CATSPERT: variants seen among roughly 807,000 people sequenced by gnomAD.
CATSPERT encodes cation channel sperm-associated targeting subunit tau.
chr2:201,586,236 T>C, the CATSPERT span, among the ~76,000 whole-genome samples: 1 of 152,168 alleles, frequency 6.6e-6, no homozygotes, highest in Non-Finnish European at 1.5e-5. Flanking sequence ...AGTAGACTAT[T>C]AGTAGTCTAC....
At chr2:201,506,485 T>C in the CATSPERT span, among the ~76,000 whole-genome samples, 1 of 152,170 alleles carries the variant, frequency 6.6e-6, no homozygotes, top group Non-Finnish European at 1.5e-5. Context: ...ATAAACAAAT[T>C]ATAAGAGACA....
the CATSPERT span, chr2:201,582,284 T>G: frequency 7.2e-7 from 1 of 1,392,790 alleles, no homozygotes. Flanking sequence ...AACACATACA[T>G]CCAATATACT....
the CATSPERT span, chr2:201,547,604 T>C: frequency 2.0e-6 from 3 of 1,484,898 alleles, no homozygotes; most frequent in East Asian, 4.6e-5. Flanking sequence ...TTTTCATCTT[T>C]TCCAGCCTAA....
chr2:201,563,250 T>C, the CATSPERT span, among the ~76,000 whole-genome samples: 3 of 129,846 alleles, frequency 2.3e-5, no homozygotes, highest in Non-Finnish European at 4.9e-5. Context: ...GCTCCTCACT[T>C]CCCAGTAGGG....
chr2:201,542,575 A>T, the CATSPERT span, among the ~76,000 whole-genome samples: 7 of 152,136 alleles, frequency 4.6e-5, no homozygotes, highest in Non-Finnish European at 8.8e-5. Flanking sequence ...GTGATATCTC[A>T]TTATGATTTT....
At chr2:201,499,170 A>G in the CATSPERT span, among the ~76,000 whole-genome samples, 1 of 152,202 alleles carries the variant, frequency 6.6e-6, no homozygotes, top group Non-Finnish European at 1.5e-5. Context: ...AAAAATTGAT[A>G]CATGTAAGTG....
At chr2:201,513,642 C>T in the CATSPERT span, among the ~76,000 whole-genome samples, 9 of 152,166 alleles carry the variant, frequency 5.9e-5, no homozygotes, top group Non-Finnish European at 7.3e-5. Context: ...ATGTTCATTG[C>T]AGCACCATTC....
chr2:201,584,560 G>C, the CATSPERT span, among the ~76,000 whole-genome samples: 2 of 152,040 alleles, frequency 1.3e-5, no homozygotes, highest in African/African-American at 2.4e-5. Flanking sequence ...CGAGGTGGGT[G>C]AATCACAAGG....
the CATSPERT span, among the ~76,000 whole-genome samples, chr2:201,613,362 G>T: frequency 1.3e-5 from 2 of 152,170 alleles, no homozygotes; most frequent in Admixed American, 6.5e-5. Context: ...GCTTCCAGAA[G>T]AAGGATCAGA....
chr2:201,534,414 T>C, the CATSPERT span: 1 of 985,250 alleles, frequency 1.0e-6, no homozygotes, highest in African/African-American at 1.7e-5. Context: ...GAAAGTTGAA[T>C]ATTTTGGAAG....
the CATSPERT span, chr2:201,555,774 T>C: frequency 6.6e-6 from 1 of 152,186 alleles, no homozygotes; most frequent in African/African-American, 2.4e-5. Context: ...GCCTAACCAA[T>C]CTAGCCCTAC....
At chr2:201,517,027 T>G in the CATSPERT span, among the ~76,000 whole-genome samples, 34 of 151,744 alleles carry the variant, frequency 2.2e-4, no homozygotes, top group Admixed American at 3.9e-4. Flanking sequence ...ACACAGGGAA[T>G]TTTTTCTTTC....
chr2:201,531,552 G>T, the CATSPERT span, among the ~76,000 whole-genome samples: 1 of 152,132 alleles, frequency 6.6e-6, no homozygotes, highest in African/African-American at 2.4e-5. Flanking sequence ...GGATGGAGGA[G>T]GGTGGATGGG....
At chr2:201,491,526 G>C in the CATSPERT span, 5 of 1,535,518 alleles carry the variant, frequency 3.3e-6, no homozygotes, top group East Asian at 1.2e-4. Flanking sequence ...TTTTATTATT[G>C]TTATTATTTC....
the CATSPERT span, among the ~76,000 whole-genome samples, chr2:201,527,534 C>T: frequency 6.6e-6 from 1 of 152,160 alleles, no homozygotes; most frequent in Non-Finnish European, 1.5e-5. Context: ...GTAACCAAAA[C>T]AGCATGGTAT....
At chr2:201,565,378 G>A in the CATSPERT span, among the ~76,000 whole-genome samples, 1 of 152,050 alleles carries the variant, frequency 6.6e-6, no homozygotes, top group African/African-American at 2.4e-5. Context: ...GGAGGCTGAG[G>A]CTGGAAGATT....
chr2:201,573,577 C>A, the CATSPERT span, among the ~76,000 whole-genome samples: 2 of 152,146 alleles, frequency 1.3e-5, no homozygotes, highest in African/African-American at 2.4e-5. Flanking sequence ...TTTTTAGATG[C>A]AGAAATCCAC....
the CATSPERT span, among the ~76,000 whole-genome samples, chr2:201,515,201 AGTTTTTTTTTTTTTTTTTTTT>A: frequency 2.3e-4 from 16 of 70,214 alleles, 4 homozygotes; most frequent in Admixed American, 6.4e-4. Context: ...ATCTGCCCAT[AGTTTTTTTTTTTTTTTTTTTT>A]TTTTTTTTTT....
the CATSPERT span, chr2:201,557,366 T>C: frequency 6.6e-6 from 1 of 152,238 alleles, no homozygotes; most frequent in Non-Finnish European, 1.5e-5. Flanking sequence ...GGGATGCAAG[T>C]ATAGCATCCC....
Sources: allele counts gnomAD v4.1 joint callset (sites outside exome capture counted in the v4.1 genomes callset), GRCh38; gene constraint gnomAD v4.1.1; transcripts MANE v1.5; gene names NCBI Gene and HGNC (gene_info 2026-07-23, HGNC 2026-07-21).